Variants in KLRG2 observed in about 807,000 individuals in gnomAD.
KLRG2 encodes the protein killer cell lectin-like receptor subfamily G member 2.
In KLRG2, 39 loss-of-function variants were observed where a neutral mutation model predicts 35.4. That is an observed-to-expected ratio of 1.10 (90% CI 0.85 to 1.44). The LOEUF (loss-of-function observed/expected upper bound fraction) is 1.44. KLRG2 is among the 40% of genes most tolerant of loss of function. The probability of loss-of-function intolerance (pLI) is 0.00; values close to 1 mark genes in which losing one functional copy is unlikely to be tolerated. For synonymous variants in KLRG2, 283 were observed against 265.8 expected, an observed-to-expected ratio of 1.06 and a Z score of -0.63; for missense variants, 632 against 570.9, an observed-to-expected ratio of 1.11 and a Z score of -1.09.
chr7:139,454,774 C>T (rs1020164830), intron 3 of KLRG2, among the ~76,000 whole-genome samples: 26 of 151,018 alleles, frequency 1.7e-4, no homozygotes, highest in Non-Finnish European at 3.1e-4. Flanking sequence ...CGAGATTGCG[C>T]CACTGCATTC....
intron 3 of KLRG2, among the ~76,000 whole-genome samples, chr7:139,478,194 C>T (rs1439940525): frequency 1.3e-5 from 2 of 151,328 alleles, no homozygotes; most frequent in African/African-American, 2.4e-5. Context: ...CATAGCAAGA[C>T]TTGTGTCTCT....
intron 3 of KLRG2, among the ~76,000 whole-genome samples, chr7:139,477,789 C>G (rs950261743): frequency 2.6e-5 from 4 of 151,728 alleles, no homozygotes; most frequent in African/African-American, 9.7e-5. Flanking sequence ...GACGGAGTCC[C>G]GCTCTTTAGC....
the KLRG2 span, among the ~76,000 whole-genome samples, chr7:139,433,245 C>T: frequency 6.6e-6 from 1 of 152,172 alleles, no homozygotes; most frequent in African/African-American, 2.4e-5. Context: ...ATCACTCCTA[C>T]CACTACCTTG....
At chr7:139,457,081 G>A (rs1796490516) in intron 3 of KLRG2, among the ~76,000 whole-genome samples, 1 of 152,230 alleles carries the variant, frequency 6.6e-6, no homozygotes, top group African/African-American at 2.4e-5. Flanking sequence ...TTCCCAGGCT[G>A]AAGGTTGCTA....
chr7:139,468,252 G>C (rs1051747308), intron 3 of KLRG2, among the ~76,000 whole-genome samples: 3 of 151,940 alleles, frequency 2.0e-5, no homozygotes, highest in African/African-American at 7.3e-5. Context: ...GCTGAACGCT[G>C]GTCCCCTGGG....
chr7:139,464,823 T>C (rs547495128), intron 3 of KLRG2, among the ~76,000 whole-genome samples: 1 of 152,358 alleles, frequency 6.6e-6, no homozygotes, highest in Admixed American at 6.5e-5. Flanking sequence ...AATCACAAAC[T>C]ATGCTCAACT....
the KLRG2 span, among the ~76,000 whole-genome samples, chr7:139,445,429 C>T: frequency 3.3e-5 from 5 of 151,984 alleles, no homozygotes; most frequent in African/African-American, 1.2e-4. Context: ...CCTGTCCTCG[C>T]GGAGCTTACG....
intron 3 of KLRG2, among the ~76,000 whole-genome samples, chr7:139,473,371 T>C (rs561435366): frequency 6.6e-6 from 1 of 152,204 alleles, no homozygotes; most frequent in Admixed American, 6.6e-5. Context: ...CCCCCTCCTA[T>C]CCGCGCAATG....
Position 139,453,054 on chromosome 7 carries a change from C to A in KLRG2, c.*533G>T. ...GGAAAACCTTGCTCTCCCCTCTTTC[C>A]AGGGCTGACCGCTCCTTTTCCTTGG... On this transcript the variant is annotated 3_prime_UTR_variant, in exon 5 of 5. Transcript: ENST00000340940. 6.3e-6 allele frequency: 1 copy of A among 159,126 alleles called. No homozygotes were observed. Among genetic ancestry groups the A allele is most frequent in the African/African-American group, 2.4e-5 (1 of 41,744 alleles). The allele number at this position is 159,126 out of a possible 1,614,324, so 9.9% of individuals were successfully genotyped here.
At chr7:139,451,539 C>G (rs898270460), downstream of KLRG2, among the ~76,000 whole-genome samples, 1 of 151,964 alleles carries the variant, frequency 6.6e-6, no homozygotes, top group Non-Finnish European at 1.5e-5. Context: ...AACAGATAAC[C>G]GAGGGAGTGG....
intron 3 of KLRG2, among the ~76,000 whole-genome samples, chr7:139,465,370 A>C (rs1429104850): frequency 6.6e-6 from 1 of 151,742 alleles, no homozygotes; most frequent in Non-Finnish European, 1.5e-5. Context: ...TTTAATAAAA[A>C]CTCTTCTCAA....
chr7:139,437,127 T>G, the KLRG2 span, among the ~76,000 whole-genome samples: 30 of 152,246 alleles, frequency 2.0e-4, no homozygotes, highest in East Asian at 4.8e-3. Flanking sequence ...CTACAGATAT[T>G]CAAGAAATGA....
chr7:139,480,631 G>C (rs141624557), intron 1 of KLRG2, among the ~76,000 whole-genome samples: 8 of 150,384 alleles, frequency 5.3e-5, no homozygotes, highest in Admixed American at 2.0e-4. Flanking sequence ...ATTTTTAGTA[G>C]AGACGGGGTT....
intron 3 of KLRG2, among the ~76,000 whole-genome samples, chr7:139,467,971 TAGG>T (rs1796694509): frequency 6.6e-6 from 1 of 152,200 alleles, no homozygotes; most frequent in Non-Finnish European, 1.5e-5. Context: ...TCTACTGAGA[TAGG>T]GGAAAACCGC....
At chr7:139,439,994 ATC>A in the KLRG2 span, among the ~76,000 whole-genome samples, 1 of 152,272 alleles carries the variant, frequency 6.6e-6, no homozygotes, top group South Asian at 2.1e-4. Flanking sequence ...CCGAGGAAGG[ATC>A]TGTTTCTAGG....
chr7:139,432,648 T>A, the KLRG2 span, among the ~76,000 whole-genome samples: 1 of 150,200 alleles, frequency 6.7e-6, no homozygotes, highest in Non-Finnish European at 1.5e-5. Flanking sequence ...CTCTGCTTCC[T>A]GGGTTCAAGC....
At chr7:139,478,953 A>G (rs1456365593) in intron 3 of KLRG2, among the ~76,000 whole-genome samples, 1 of 152,054 alleles carries the variant, frequency 6.6e-6, no homozygotes, top group Admixed American at 6.5e-5. Flanking sequence ...GGCTGTGCGC[A>G]GTGGCTCATG....
chr7:139,460,399 C>T (rs1796548063), intron 3 of KLRG2, among the ~76,000 whole-genome samples: 1 of 152,274 alleles, frequency 6.6e-6, no homozygotes, highest in Admixed American at 6.5e-5. Context: ...GAGGCTGGGT[C>T]AGGTGCAGCG....
chr7:139,435,489 C>CA, the KLRG2 span, among the ~76,000 whole-genome samples: 92 of 151,112 alleles, frequency 6.1e-4, no homozygotes, highest in African/African-American at 1.9e-3. Context: ...GACTCCGTCT[C>CA]AAAAAAAAAT....
Sources: gnomAD v4.1 joint callset for allele counts (sites outside exome capture counted in the v4.1 genomes callset) on GRCh38, gnomAD v4.1.1 for gene constraint, MANE v1.5 for transcripts, NCBI Gene and HGNC (gene_info 2026-07-23, HGNC 2026-07-21) for gene names.